Variants in CNTN4 observed in about 807,000 individuals in gnomAD.
CNTN4 encodes the protein contactin-4.
In CNTN4, 77 loss-of-function variants were observed where a neutral mutation model predicts 122.5. The observed-to-expected ratio is 0.63, with a 90% confidence interval of 0.52 to 0.76. The LOEUF is 0.76. Among genes scored for constraint, CNTN4 ranks in the 30% least tolerant of loss-of-function variants. CNTN4 has a pLI of 0.00. For synonymous variants in CNTN4, 512 were observed against 447.0 expected (o/e 1.15, Z -1.83); for missense variants, 1,256 against 1,259.1 (o/e 1.00, Z 0.04).
chr3:2,617,337 A>G (rs2081799449), intron 4 of CNTN4, among the ~76,000 whole-genome samples: 1 of 152,072 alleles, frequency 6.6e-6, no homozygotes, highest in South Asian at 2.1e-4. Context: ...GGATATGAAC[A>G]GACACTTCTC....
At chr3:2,161,988 C>G (rs1342304596) in intron 2 of CNTN4, among the ~76,000 whole-genome samples, 1 of 152,110 alleles carries the variant, frequency 6.6e-6, no homozygotes, top group Non-Finnish European at 1.5e-5. Flanking sequence ...TAAGGTAAAA[C>G]CACTGCCATT....
intron 4 of CNTN4, among the ~76,000 whole-genome samples, chr3:2,700,881 A>T (rs943725369): frequency 1.3e-5 from 2 of 152,120 alleles, no homozygotes; most frequent in African/African-American, 4.8e-5. Context: ...ACCTGAACGA[A>T]CATGTTTTGT....
At chr3:2,981,212 A>T (rs1383478969) in intron 13 of CNTN4, among the ~76,000 whole-genome samples, 1 of 152,192 alleles carries the variant, frequency 6.6e-6, no homozygotes, top group Admixed American at 6.5e-5. Flanking sequence ...TGGCAGGCCG[A>T]GGCAGGCAGA....
chr3:2,176,112 G>C (rs2036736781), intron 2 of CNTN4, among the ~76,000 whole-genome samples: 2 of 152,106 alleles, frequency 1.3e-5, no homozygotes, highest in Non-Finnish European at 2.9e-5. Flanking sequence ...TCCATGCACA[G>C]GTACTTGTCA....
chr3:2,627,708 T>G (rs536750005), intron 4 of CNTN4, among the ~76,000 whole-genome samples: 2 of 152,054 alleles, frequency 1.3e-5, no homozygotes, highest in Admixed American at 6.5e-5. Context: ...TTAGCCAGGA[T>G]GGTCTCGATC....
intron 2 of CNTN4, among the ~76,000 whole-genome samples, chr3:2,227,914 G>A (rs2039345943): frequency 6.6e-6 from 1 of 152,096 alleles, no homozygotes; most frequent in Admixed American, 6.5e-5. Flanking sequence ...AACACTCAAA[G>A]TAAATTTGTT....
intron 2 of CNTN4, among the ~76,000 whole-genome samples, chr3:2,226,830 G>A (rs2039302087): frequency 1.3e-5 from 2 of 152,024 alleles, no homozygotes; most frequent in African/African-American, 4.8e-5. Context: ...TTTAACAAAT[G>A]CAGATAATTA....
intron 4 of CNTN4, among the ~76,000 whole-genome samples, chr3:2,725,381 A>T (rs2149420543): frequency 6.6e-6 from 1 of 152,264 alleles, no homozygotes; most frequent in East Asian, 1.9e-4. Flanking sequence ...GGAATCCTAT[A>T]GTCCTCATTT....
chr3:2,429,248 A>C (rs975245138), intron 3 of CNTN4, among the ~76,000 whole-genome samples: 2 of 152,216 alleles, frequency 1.3e-5, no homozygotes, highest in Non-Finnish European at 2.9e-5. Flanking sequence ...GGTGACCTAC[A>C]GATGGGATTT....
intron 2 of CNTN4, among the ~76,000 whole-genome samples, chr3:2,183,548 T>C (rs1382235079): frequency 6.6e-6 from 1 of 152,208 alleles, no homozygotes; most frequent in African/African-American, 2.4e-5. Context: ...TTTGGTGATA[T>C]CTATAAGTAG....
intron 3 of CNTN4, among the ~76,000 whole-genome samples, chr3:2,462,648 A>G (rs975521323): frequency 2.6e-5 from 4 of 152,226 alleles, no homozygotes; most frequent in Non-Finnish European, 4.4e-5. Context: ...ACAAAAATAA[A>G]AAGAGGAATA....
At chr3:2,102,547 A>G (rs191476333) in intron 2 of CNTN4, among the ~76,000 whole-genome samples, 165 of 152,284 alleles carry the variant, frequency 1.1e-3, no homozygotes, top group Middle Eastern at 0.01. Context: ...AGAATGGGTG[A>G]TCATGGCAGT....
intron 4 of CNTN4, among the ~76,000 whole-genome samples, chr3:2,672,858 T>C (rs1050179988): frequency 6.6e-6 from 1 of 152,216 alleles, no homozygotes; most frequent in African/African-American, 2.4e-5. Flanking sequence ...CTATGAACCA[T>C]CCAGCTACTG....
intron 12 of CNTN4, among the ~76,000 whole-genome samples, chr3:2,911,793 T>C (rs1168011645): frequency 6.6e-6 from 1 of 152,088 alleles, no homozygotes; most frequent in East Asian, 1.9e-4. Flanking sequence ...ATTCAGAATA[T>C]AGTACTCAAT....
At chr3:2,144,381 A>G (rs2035145225) in intron 2 of CNTN4, 1 of 152,198 alleles carries the variant, frequency 6.6e-6, no homozygotes, top group Admixed American at 6.5e-5. Flanking sequence ...AATCACTCCC[A>G]CTGATAGTGT....
intron 2 of CNTN4, among the ~76,000 whole-genome samples, chr3:2,154,256 G>A (rs1282786889): frequency 6.6e-6 from 1 of 151,796 alleles, no homozygotes; most frequent in African/African-American, 2.4e-5. Context: ...GTGGTGGTGG[G>A]CGCCTGTAAT....
chr3:2,519,481 A>G (rs1316194761), intron 3 of CNTN4, among the ~76,000 whole-genome samples: 2 of 152,280 alleles, frequency 1.3e-5, no homozygotes, highest in South Asian at 2.1e-4. Context: ...AGAGCCCCAT[A>G]TGGGTTCCCT....
intron 2 of CNTN4, among the ~76,000 whole-genome samples, chr3:2,108,487 T>G (rs553623355): frequency 6.6e-6 from 1 of 152,250 alleles, no homozygotes; most frequent in South Asian, 2.1e-4. Flanking sequence ...CAGGAGAAAT[T>G]TGTTGCCTTG....
chr3:3,002,348 T>C (rs1559774295), intron 14 of CNTN4, among the ~76,000 whole-genome samples: 4 of 152,102 alleles, frequency 2.6e-5, no homozygotes, highest in Non-Finnish European at 5.9e-5. Context: ...ACCGACAAAG[T>C]AGCTCTTCCT....
Sources: gnomAD v4.1 joint callset for allele counts (sites outside exome capture counted in the v4.1 genomes callset) on GRCh38, gnomAD v4.1.1 for gene constraint, MANE v1.5 for transcripts, NCBI Gene and HGNC (gene_info 2026-07-23, HGNC 2026-07-21) for gene names.